TRPS1: variants seen among roughly 807,000 people sequenced by gnomAD.
The protein encoded by TRPS1 is transcriptional repressor GATA binding 1.
TRPS1 carries 6 observed loss-of-function variants against 101.2 expected under a neutral mutation model. The ratio of observed to expected loss-of-function variants is 0.06; its 90% CI spans 0.03 to 0.12. TRPS1 has a LOEUF of 0.12. Ranked by LOEUF, TRPS1 falls within the 10% of genes least tolerant of loss-of-function variation. The probability of loss-of-function intolerance (pLI) is 1.00; values close to 1 mark genes in which losing one functional copy is unlikely to be tolerated. For synonymous variants in TRPS1, 578 were observed against 589.8 expected (o/e 0.98, Z 0.29); for missense variants, 1,363 against 1,567.0 (o/e 0.87, Z 2.20).
At chr8:115,453,500 T>C (rs1224583092) in intron 5 of TRPS1, among the ~76,000 whole-genome samples, 2 of 152,220 alleles carry the variant, frequency 1.3e-5, no homozygotes, top group Non-Finnish European at 2.9e-5. Flanking sequence ...TGTTTGCATA[T>C]GTATGTGTAG....
At chr8:115,446,734 AG>A (rs781495467) in intron 5 of TRPS1, among the ~76,000 whole-genome samples, 1 of 152,186 alleles carries the variant, frequency 6.6e-6, no homozygotes, top group Non-Finnish European at 1.5e-5. Context: ...TCATGAACCC[AG>A]AAAAGTTATG....
At position 115,417,764 on chromosome 8, in the gene TRPS1, C is replaced by T. The variant is rs74960160; in HGVS notation, c.2823+566G>A. On this transcript the variant is annotated intron_variant, in intron 6 of 6. Transcript: ENST00000395715. ...TGTGTGCTATTCAGAACTTCAGATA[C>T]CTCATTGAAATACCCACTGAAGGCC... Among the ~76,000 whole-genome samples the T allele has an allele frequency of 3.9e-3, 587 of 152,234 alleles. 2 individuals are homozygous for T. The highest frequency in any genetic ancestry group is 0.013 in the African/African-American group (559 of 41,542).
In TRPS1 at chr8:115,666,164, G is replaced by A. The variant is rs574595693; in HGVS notation, c.-122+2381C>T. Among the ~76,000 whole-genome samples the A allele has an allele frequency of 9.2e-5, 14 of 152,152 alleles. No individual in the cohort carries two copies. In the East Asian group the frequency reaches 2.7e-3, roughly 29 times the overall value. On this transcript the variant is annotated intron_variant, in intron 1 of 6. Transcript: ENST00000395715. ...TGTATATTGAACTGAATCTAGAGAT[G>A]TTTTTATCCAAAGGTGTAGCTTTAA...
Position 115,414,307 on chromosome 8 carries a change from G to T in TRPS1, c.3601C>A (p.Pro1201Thr). ...NGASKEKTKA[P>T]PNVKNEGPLN... is the part of the protein sequence containing the mutation. ...GGACCTTCATTTTTTACATTTGGTGGTGCCTTCGTTTTCTCCTTGGAGGCA... is the reference window on the plus strand; with the variant it reads ...GGACCTTCATTTTTTACATTTGGTGTTGCCTTCGTTTTCTCCTTGGAGGCA... Residue 1201 changes from proline (P) to threonine (T), a missense_variant, in exon 7 of 7, where the codon CCA becomes ACA. Pro to Thr is a conservative substitution (Grantham distance 38). Coordinates refer to ENST00000395715, the MANE Select transcript of TRPS1 (RefSeq NM_014112.5). This position sits in a 1 kb window ranked among gnomAD's most constrained non-coding sequence, Gnocchi z 4.8. 1.2e-6 allele frequency: 2 copies of T among 1,613,846 alleles called. No individual in the cohort carries two copies. The highest frequency in any genetic ancestry group is 1.7e-6 in the Non-Finnish European group (2 of 1,179,926).
At chr8:115,641,969 T>C (rs1818908574) in intron 1 of TRPS1, among the ~76,000 whole-genome samples, 1 of 152,140 alleles carries the variant, frequency 6.6e-6, no homozygotes, top group Non-Finnish European at 1.5e-5. Context: ...CCCAGCACTT[T>C]GGGAGACTGA....
At chr8:115,461,228 CAGAT>C (rs1437052640) in intron 5 of TRPS1, among the ~76,000 whole-genome samples, 1 of 151,214 alleles carries the variant, frequency 6.6e-6, no homozygotes, top group Non-Finnish European at 1.5e-5. Flanking sequence ...AGATAGATGA[CAGAT>C]GGAAAGATAA....
At chr8:115,506,890 A>G (rs1431510354) in intron 5 of TRPS1, among the ~76,000 whole-genome samples, 2 of 152,140 alleles carry the variant, frequency 1.3e-5, no homozygotes, top group Non-Finnish European at 2.9e-5. Flanking sequence ...TCTGAGTTCA[A>G]TCTGTGCTCT....
At chr8:115,421,139 C>G (rs1368851315) in intron 5 of TRPS1, among the ~76,000 whole-genome samples, 1 of 152,100 alleles carries the variant, frequency 6.6e-6, no homozygotes, top group Non-Finnish European at 1.5e-5. Flanking sequence ...CATGCGCCAC[C>G]ATGACCGGCT....
At chr8:115,473,107 C>A (rs983821763) in intron 5 of TRPS1, among the ~76,000 whole-genome samples, 47 of 152,130 alleles carry the variant, frequency 3.1e-4, no homozygotes, top group Non-Finnish European at 1.5e-5. Context: ...ACAGCAGTGC[C>A]CCACTCTACT....
chr8:115,619,839 CCTT>C lies in TRPS1; in HGVS notation c.256_258del (p.Lys86del). On this transcript the variant is annotated inframe_deletion, in exon 3 of 7. Coordinates refer to ENST00000395715, the MANE Select transcript of TRPS1 (RefSeq NM_014112.5). ...TCACTCAGAACTGCGCTTTTCAAGT[CCTT>C]CTTACTGCTAGAAGATGGATCTTGA... 6.2e-7 allele frequency: 1 copy of C among 1,614,186 alleles called. No homozygotes were observed. Among genetic ancestry groups the C allele is most frequent in the Non-Finnish European group, 8.5e-7 (1 of 1,180,032 alleles).
chr8:115,576,271 T>A (rs541211443), intron 5 of TRPS1, among the ~76,000 whole-genome samples: 13 of 149,584 alleles, frequency 8.7e-5, no homozygotes, highest in Non-Finnish European at 1.5e-4. Context: ...TTTAAGAATT[T>A]GTAGTTCATA....
chr8:115,517,238 C>A (rs945536698), intron 5 of TRPS1, among the ~76,000 whole-genome samples: 1 of 151,602 alleles, frequency 6.6e-6, no homozygotes, highest in Non-Finnish European at 1.5e-5. Context: ...AGATAGATAT[C>A]CTAATTACTT....
intron 5 of TRPS1, among the ~76,000 whole-genome samples, chr8:115,507,132 A>G (rs1336563473): frequency 3.3e-5 from 5 of 152,062 alleles, no homozygotes; most frequent in Non-Finnish European, 5.9e-5. Context: ...CTCCTCAGTA[A>G]ATAGCTCCAA....
intron 2 of TRPS1, 112 bp from the exon 3 acceptor site, chr8:115,620,172 C>A: frequency 1.0e-6 from 1 of 997,528 alleles, no homozygotes; most frequent in South Asian, 1.7e-5. Context: ...TAATCAAATG[C>A]TTCCTCTAGG....
chr8:115,451,770 T>G (rs1813878880), intron 5 of TRPS1, among the ~76,000 whole-genome samples: 1 of 152,236 alleles, frequency 6.6e-6, no homozygotes, highest in Non-Finnish European at 1.5e-5. Context: ...TTTGTTATGA[T>G]GTATAGGCAA....
intron 5 of TRPS1, among the ~76,000 whole-genome samples, chr8:115,558,323 G>A (rs374095568): frequency 1.1e-3 from 160 of 152,188 alleles, no homozygotes; most frequent in African/African-American, 3.5e-3. Context: ...TCCCACTGGC[G>A]TTCAATCAAA....
intron 5 of TRPS1, among the ~76,000 whole-genome samples, chr8:115,457,721 C>T (rs898216202): frequency 2.6e-5 from 4 of 152,192 alleles, no homozygotes; most frequent in Non-Finnish European, 5.9e-5. Flanking sequence ...CGACCACTAA[C>T]GCTGGACCCA....
chr8:115,595,278 G>A (rs966532514), intron 4 of TRPS1, among the ~76,000 whole-genome samples: 1 of 151,938 alleles, frequency 6.6e-6, no homozygotes, highest in African/African-American at 2.4e-5. Flanking sequence ...TGAGTGGCAT[G>A]TGGCATTACT....
chr8:115,430,054 G>A (rs1813281509), intron 5 of TRPS1, among the ~76,000 whole-genome samples: 1 of 152,072 alleles, frequency 6.6e-6, no homozygotes, highest in Non-Finnish European at 1.5e-5. Context: ...AAACAAAAAT[G>A]CTTAGTTGTG....
Sources: allele counts gnomAD v4.1 joint callset (sites outside exome capture counted in the v4.1 genomes callset), GRCh38; gene constraint gnomAD v4.1.1; non-coding constraint Gnocchi (gnomAD v3.1); transcripts MANE v1.5; gene names NCBI Gene and HGNC (gene_info 2026-07-23, HGNC 2026-07-21).